Variants in SWT1 observed in about 807,000 individuals in gnomAD.
SWT1 encodes the protein transcriptional protein SWT1.
In SWT1, 33 loss-of-function variants were observed where a neutral mutation model predicts 107.3. That is an observed-to-expected ratio of 0.31 (90% CI 0.23 to 0.41). The LOEUF (loss-of-function observed/expected upper bound fraction) is 0.41. SWT1 is among the 10% of genes least tolerant of loss of function. The pLI is 1.00. For synonymous variants in SWT1, 345 were observed against 348.3 expected, an observed-to-expected ratio of 0.99 and a Z score of 0.11; for missense variants, 898 against 1,028.9, an observed-to-expected ratio of 0.87 and a Z score of 1.74.
chr1:185,251,583 G>A (rs142269436), intron 16 of SWT1, among the ~76,000 whole-genome samples: 2 of 152,164 alleles, frequency 1.3e-5, no homozygotes, highest in African/African-American at 4.8e-5. Flanking sequence ...TCTTTCTGAT[G>A]AATTGATCCT....
chr1:185,166,485 T>C (rs1370541611), intron 2 of SWT1, 87 bp from the exon 3 acceptor site: 4 of 806,636 alleles, frequency 5.0e-6, no homozygotes, highest in African/African-American at 3.5e-5. Context: ...TAAATGTTGA[T>C]TTGTAATACT....
At chr1:185,264,027 C>G (rs1430896603) in intron 16 of SWT1, 1 of 152,208 alleles carries the variant, frequency 6.6e-6, no homozygotes, top group African/African-American at 2.4e-5. Flanking sequence ...CCTTTTACTT[C>G]TGAGTGTGCT....
chr1:185,188,871 A>G (rs185338014), intron 9 of SWT1, among the ~76,000 whole-genome samples: 257 of 152,302 alleles, frequency 1.7e-3, no homozygotes, highest in Non-Finnish European at 3.2e-3. Context: ...ATGGTCCTGC[A>G]TTCTGTGTTA....
intron 16 of SWT1, chr1:185,263,182 C>T (rs918169044): frequency 2.0e-5 from 3 of 152,208 alleles, no homozygotes; most frequent in African/African-American, 7.2e-5. Flanking sequence ...AAGCCCTTAT[C>T]TCCTAATATA....
chr1:185,231,554 T>G, intron 15 of SWT1, 23 bp from the exon 16 acceptor site: 1 of 1,570,988 alleles, frequency 6.4e-7, no homozygotes, highest in Non-Finnish European at 8.7e-7. Context: ...TACCTATGAG[T>G]ATCTTTTTTT....
At chr1:185,164,593 T>G (rs1314472883) in intron 2 of SWT1, among the ~76,000 whole-genome samples, 1 of 152,252 alleles carries the variant, frequency 6.6e-6, no homozygotes, top group Non-Finnish European at 1.5e-5. Context: ...TGTTTCACCT[T>G]GTACTTTTAT....
chr1:185,174,028 A>G (rs1346852961), intron 4 of SWT1, among the ~76,000 whole-genome samples: 5 of 152,150 alleles, frequency 3.3e-5, no homozygotes, highest in Non-Finnish European at 7.4e-5. Context: ...CTCAAAAAAA[A>G]TGAAATCACA....
At position 185,199,677 on chromosome 1, in the gene SWT1, T is replaced by C. The variant is rs541074240; in HGVS notation, c.1524-2977T>C. 1.7e-4 allele frequency among the ~76,000 whole-genome samples: 26 copies of C among 152,330 alleles called. No homozygotes were observed. The South Asian group carries it at 5.4e-3, about 32-fold the overall frequency. ...CTTTTCTCTCCGACTGCCCTTAACA[T>C]TTTTTCCTCCATTTCAACCTTGGTG... On this transcript the variant is annotated intron_variant, in intron 10 of 18. Coordinates refer to ENST00000367500, the MANE Select transcript of SWT1 (RefSeq NM_017673.7).
intron 13 of SWT1, among the ~76,000 whole-genome samples, chr1:185,214,062 T>C (rs929662533): frequency 1.3e-5 from 2 of 152,146 alleles, no homozygotes; most frequent in South Asian, 2.1e-4. Flanking sequence ...TAAATCACTA[T>C]GTAGATAGCT....
At chr1:185,221,388 G>A (rs1659645980) in intron 14 of SWT1, among the ~76,000 whole-genome samples, 1 of 152,030 alleles carries the variant, frequency 6.6e-6, no homozygotes, top group South Asian at 2.1e-4. Flanking sequence ...GCCTAAGTTA[G>A]AAACCTTCAG....
intron 1 of SWT1, among the ~76,000 whole-genome samples, chr1:185,160,473 C>T (rs776673938): frequency 2.1e-4 from 32 of 151,988 alleles, no homozygotes; most frequent in Non-Finnish European, 4.1e-4. Flanking sequence ...CTTTGGGAGG[C>T]GGGTGGATAA....
chr1:185,257,142 A>G (rs1459683842), intron 16 of SWT1, among the ~76,000 whole-genome samples: 3 of 152,116 alleles, frequency 2.0e-5, no homozygotes, highest in Non-Finnish European at 2.9e-5. Context: ...GCCCGTTCTC[A>G]TATCTCCAGC....
At chr1:185,251,958 C>T (rs1662067239) in intron 16 of SWT1, among the ~76,000 whole-genome samples, 1 of 151,646 alleles carries the variant, frequency 6.6e-6, no homozygotes, top group South Asian at 2.1e-4. Flanking sequence ...ACCCACCCCA[C>T]AACAGTCCCC....
intron 17 of SWT1, among the ~76,000 whole-genome samples, chr1:185,272,081 C>T (rs1374837797): frequency 1.3e-5 from 2 of 152,182 alleles, no homozygotes; most frequent in Non-Finnish European, 2.9e-5. Context: ...TATTCCATCT[C>T]CCCATCCAAC....
chr1:185,278,791 A>G (rs775733709), intron 18 of SWT1, among the ~76,000 whole-genome samples: 10 of 152,222 alleles, frequency 6.6e-5, no homozygotes, highest in Non-Finnish European at 1.3e-4. Context: ...ACACATTTTT[A>G]AAAAGGTAGG....
At chr1:185,270,031 T>C (rs368815597) in intron 16 of SWT1, among the ~76,000 whole-genome samples, 7 of 152,374 alleles carry the variant, frequency 4.6e-5, no homozygotes, top group African/African-American at 7.2e-5. Flanking sequence ...GTCACTGTTA[T>C]AATTGACATA....
Position 185,204,686 on chromosome 1 carries a change from TA to T in SWT1, c.1670-13del. 6.6e-7 allele frequency: 1 copy of T among 1,515,434 alleles called. No homozygotes were observed. The allele number at this position is 1,515,434 out of a possible 1,614,324, so 93.9% of individuals were successfully genotyped here. ...TAGCATTCTAAATAAAGTCTGTAAC[TA>T]TTTGTTTTAAAGAAACAACACCCTT... On this transcript the variant is annotated splice_polypyrimidine_tract_variant and intron_variant, in intron 11 of 18. Coordinates refer to ENST00000367500, the MANE Select transcript of SWT1 (RefSeq NM_017673.7).
intron 2 of SWT1, among the ~76,000 whole-genome samples, chr1:185,164,482 T>A (rs1654412989): frequency 6.6e-6 from 1 of 152,238 alleles, no homozygotes; most frequent in African/African-American, 2.4e-5. Flanking sequence ...AGACTGTTTG[T>A]CTATGTTGAA....
At chr1:185,184,047 A>G (rs1188206080) in intron 7 of SWT1, among the ~76,000 whole-genome samples, 196 bp from the exon 8 acceptor site, 1 of 152,206 alleles carries the variant, frequency 6.6e-6, no homozygotes, top group African/African-American at 2.4e-5. Context: ...GGAGAAATTT[A>G]CTTGGCAACA....
Sources: gnomAD v4.1 joint callset for allele counts (sites outside exome capture counted in the v4.1 genomes callset) on GRCh38, gnomAD v4.1.1 for gene constraint, MANE v1.5 for transcripts, NCBI Gene and HGNC (gene_info 2026-07-23, HGNC 2026-07-21) for gene names.